Variants in SOCS4 observed in about 807,000 individuals in gnomAD.
The protein encoded by SOCS4 is SH2 domain containing SOCS box protein.
A neutral mutation model predicts 34.1 loss-of-function variants in SOCS4; 20 were observed. That is an observed-to-expected ratio of 0.59 (90% CI 0.41 to 0.85). The LOEUF is 0.85. Among genes scored for constraint, SOCS4 ranks in the 40% least tolerant of loss-of-function variants. The probability of loss-of-function intolerance (pLI) is 0.00; values close to 1 mark genes in which losing one functional copy is unlikely to be tolerated. For missense variants in SOCS4, 479 were observed against 532.4 expected (o/e 0.90, Z 0.99); for synonymous variants, 180 against 186.4 (o/e 0.97, Z 0.28).
Position 55,044,217 on chromosome 14 carries a change from A to G in SOCS4, c.1176A>G (p.Ile392Met). The change falls in exon 3 of 3, where the codon ATA becomes ATG. Residue 392 changes from isoleucine (I) to methionine (M), a missense_variant. By Grantham distance (10) the Ile-to-Met change is conservative (BLOSUM62 1). Transcript: ENST00000555846. ...IRTFPFSLQH[I>M]CRTVICNCTT... ...CTTTCCCTTTTTCCCTGCAGCATAT[A>G]TGCAGAACAGTTATTTGTAACTGTA... 1 of 1,613,980 alleles carries G rather than the reference A, an allele frequency of 6.2e-7. No homozygotes were observed. The highest frequency in any genetic ancestry group is 8.5e-7 in the Non-Finnish European group (1 of 1,179,926).
At chr14:55,027,670 A>G (rs1211695146) in intron 1 of SOCS4, 199 bp downstream of exon 1, 1 of 152,376 alleles carries the variant, frequency 6.6e-6, no homozygotes, top group South Asian at 2.1e-4. Flanking sequence ...TAATCTTGGC[A>G]TCCTTCGTGC....
At chr14:55,037,147 TA>T (rs986519159) in intron 2 of SOCS4, among the ~76,000 whole-genome samples, 17 of 124,532 alleles carry the variant, frequency 1.4e-4, no homozygotes, top group Non-Finnish European at 2.4e-4. Flanking sequence ...TTAGCAATCA[TA>T]TTTTTTTTTT....
intron 1 of SOCS4, among the ~76,000 whole-genome samples, chr14:55,029,251 A>G (rs185386386): frequency 7.1e-4 from 108 of 152,346 alleles, no homozygotes; most frequent in Non-Finnish European, 1.0e-4. Context: ...TTGTCTAGTT[A>G]GTTAAAATAA....
chr14:55,039,945 T>C (rs1256288788), intron 2 of SOCS4, among the ~76,000 whole-genome samples: 1 of 152,100 alleles, frequency 6.6e-6, no homozygotes, highest in East Asian at 1.9e-4. Context: ...AGCTCTCATA[T>C]GGAAGTGAAG....
intron 2 of SOCS4, among the ~76,000 whole-genome samples, chr14:55,037,184 G>C (rs181514648): frequency 6.7e-5 from 10 of 148,546 alleles, no homozygotes; most frequent in Non-Finnish European, 1.5e-5. Context: ...TCACTCTGTC[G>C]CCCAGGCTAG....
chr14:55,040,469 G>A lies in SOCS4; in HGVS notation c.-90-2483G>A, dbSNP rs868775676. On this transcript the variant is annotated intron_variant, in intron 2 of 2. Coordinates refer to ENST00000555846, the MANE Select transcript of SOCS4 (RefSeq NM_199421.2). ...TATATAAAGAGTTATTATAGGCCGG[G>A]CGCACTGGCTCATGCCTGTAATCCC... Among the ~76,000 whole-genome samples the A allele has an allele frequency of 4.6e-5, 7 of 152,286 alleles. No individual in the cohort carries two copies. In the South Asian group the frequency reaches 1.5e-3, roughly 32 times the overall value.
chr14:55,038,395 T>C (rs2042590873), intron 2 of SOCS4, among the ~76,000 whole-genome samples: 1 of 152,224 alleles, frequency 6.6e-6, no homozygotes, highest in South Asian at 2.1e-4. Context: ...CCTGTGGATA[T>C]GTGTGCTTCA....
rs1439427079 is a variant in SOCS4, at chr14:55,043,025, C to G, written c.-17C>G. ...AAAGCAGTATTTATAACATTAGAAT[C>G]TGGATAATTTGTTAACATGGCAGAA... On this transcript the variant is annotated 5_prime_UTR_variant, in exon 3 of 3. In the 5' UTR this introduces an upstream ATG that the reference lacks. Transcript: ENST00000555846. The G allele has an allele frequency of 1.3e-6, 2 of 1,585,100 alleles. No individual in the cohort carries two copies. The highest frequency in any genetic ancestry group is 1.7e-6 in the Non-Finnish European group (2 of 1,164,992).
At chr14:55,029,424 A>G (rs1282944383) in intron 1 of SOCS4, among the ~76,000 whole-genome samples, 2 of 152,146 alleles carry the variant, frequency 1.3e-5, no homozygotes, top group African/African-American at 2.4e-5. Context: ...AATTGCAGTG[A>G]TGGTTAGTTA....
Position 55,048,026 on chromosome 14 carries a change from A to G in SOCS4, c.*3662A>G, listed in dbSNP as rs146938485. 1.8e-5 allele frequency: 3 copies of G among 164,290 alleles called. No individual in the cohort carries two copies. The East Asian group carries it at 5.8e-4, about 32-fold the overall frequency. The allele number at this position is 164,290 out of a possible 1,614,324, so 10.2% of individuals were successfully genotyped here. ...AACCTCTGCCTTCCAGGTTCCAGCA[A>G]TTCTCCTACCTCAGCTCCCAAGTAG... On this transcript the variant is annotated 3_prime_UTR_variant, in exon 3 of 3. Coordinates refer to ENST00000555846, the MANE Select transcript of SOCS4 (RefSeq NM_199421.2).
intron 1 of SOCS4, among the ~76,000 whole-genome samples, chr14:55,030,200 T>G (rs933601064): frequency 2.6e-5 from 4 of 152,156 alleles, no homozygotes; most frequent in African/African-American, 9.7e-5. Flanking sequence ...TTTTACTAAT[T>G]TGTACGTAAA....
In SOCS4 at chr14:55,043,173, G is replaced by A; in HGVS notation, c.132G>A (p.Glu44=). The A allele has an allele frequency of 1.9e-6, 3 of 1,614,242 alleles. No homozygotes were observed. The highest frequency in any genetic ancestry group is 1.3e-5 in the African/African-American group (1 of 75,066). The part of the protein sequence containing the change: ...GKKLSWSKKS[E]SYSDAETVNG... ...AGTTATCTTGGTCAAAAAAGAGTGA[G>A]AGTTATTCAGATGCTGAGACAGTGA... The change falls in exon 3 of 3, where the codon GAG becomes GAA. Residue 44 remains glutamate, a synonymous_variant. Transcript: ENST00000555846.
intron 1 of SOCS4, among the ~76,000 whole-genome samples, chr14:55,031,146 G>T (rs969977774): frequency 1.2e-4 from 19 of 152,002 alleles, no homozygotes; most frequent in African/African-American, 4.6e-4. Flanking sequence ...CCATAAAATG[G>T]TTCAGTATTA....
At position 55,043,944 on chromosome 14, in the gene SOCS4, AG is replaced by A. The variant is rs2042647642; in HGVS notation, c.905del (p.Gly302GlufsTer60). On this transcript the variant is annotated frameshift_variant, in exon 3 of 3. Coordinates refer to ENST00000555846, the MANE Select transcript of SOCS4 (RefSeq NM_199421.2). LOFTEE classifies it high-confidence loss of function. ...AATACGCAGCCGAAGCACTACTGGA[AG>A]GAAAACCAGAGGGTACCTTTTTACT... is the stretch of plus-strand genomic sequence containing the variant. ...DKYAAEALLEGKPEGTFLLRD... is the reference protein window; with the variant it reads ...DKYAAEALLEXKPEGTFLLRD... 1 of 1,614,062 alleles carries A rather than the reference AG, an allele frequency of 6.2e-7. No individual in the cohort carries two copies. The highest frequency in any genetic ancestry group is 1.7e-5 in the Admixed American group (1 of 60,008).
chr14:55,033,685 C>A (rs2042547813), intron 2 of SOCS4, among the ~76,000 whole-genome samples: 2 of 152,192 alleles, frequency 1.3e-5, no homozygotes, highest in Non-Finnish European at 2.9e-5. Flanking sequence ...TGCACAACTC[C>A]TCTTAAAAGT....
chr14:55,034,725 A>T (rs2042557031), intron 2 of SOCS4, among the ~76,000 whole-genome samples: 1 of 151,880 alleles, frequency 6.6e-6, no homozygotes, highest in Non-Finnish European at 1.5e-5. Context: ...AATCCCAGCT[A>T]CTTGGGAGGC....
chr14:55,040,479 T>G (rs529019769), intron 2 of SOCS4, among the ~76,000 whole-genome samples: 1 of 152,358 alleles, frequency 6.6e-6, no homozygotes, highest in African/African-American at 2.4e-5. Context: ...GCGCACTGGC[T>G]CATGCCTGTA....
chr14:55,042,922 T>C (rs1474977414), intron 2 of SOCS4, 30 bp from the exon 3 acceptor site: 2 of 862,052 alleles, frequency 2.3e-6, no homozygotes, highest in African/African-American at 1.7e-5. Context: ...AGATGACAAA[T>C]GGTTAATGAC....
chr14:55,036,102 A>G (rs1221712104), intron 2 of SOCS4, among the ~76,000 whole-genome samples: 1 of 152,214 alleles, frequency 6.6e-6, no homozygotes, highest in Non-Finnish European at 1.5e-5. Flanking sequence ...ATACATATAT[A>G]GAGATACTGA....
Sources: gnomAD v4.1 joint callset for allele counts (sites outside exome capture counted in the v4.1 genomes callset) on GRCh38, gnomAD v4.1.1 for gene constraint, MANE v1.5 for transcripts, NCBI Gene and HGNC (gene_info 2026-07-23, HGNC 2026-07-21) for gene names.